Variants in ACBD6 observed in about 807,000 individuals in gnomAD.
The protein encoded by ACBD6 is acyl-CoA-binding domain-containing protein 6.
A neutral mutation model predicts 37.2 loss-of-function variants in ACBD6; 28 were observed. The observed-to-expected ratio is 0.75, with a 90% confidence interval of 0.56 to 1.03. ACBD6 has a LOEUF of 1.03. ACBD6 is among the 50% of genes least tolerant of loss of function. The probability of loss-of-function intolerance (pLI) is 0.00; values close to 1 mark genes in which losing one functional copy is unlikely to be tolerated. For synonymous variants in ACBD6, 113 were observed against 126.8 expected (o/e 0.89, Z 0.73); for missense variants, 340 against 337.4 (o/e 1.01, Z -0.06).
chr1:180,409,438 T>C (rs72714866), intron 5 of ACBD6, among the ~76,000 whole-genome samples: 24,087 of 152,190 alleles, frequency 0.16, 1,969 homozygotes, highest in Middle Eastern at 0.22. Flanking sequence ...TTTTTGTAAA[T>C]TGAAGATTTG....
At chr1:180,367,452 T>C (rs1237101397) in intron 6 of ACBD6, among the ~76,000 whole-genome samples, 1 of 152,176 alleles carries the variant, frequency 6.6e-6, no homozygotes. Flanking sequence ...ACTCGTGTCA[T>C]AGGGGTTTGT....
intron 3 of ACBD6, among the ~76,000 whole-genome samples, chr1:180,482,655 C>A (rs920315659): frequency 2.6e-5 from 4 of 151,822 alleles, no homozygotes; most frequent in Non-Finnish European, 4.4e-5. Flanking sequence ...TTACTAGATG[C>A]GAGTAGAAAC....
chr1:180,439,204 C>G (rs1295469950), intron 3 of ACBD6, among the ~76,000 whole-genome samples: 5 of 152,146 alleles, frequency 3.3e-5, no homozygotes, highest in Non-Finnish European at 5.9e-5. Flanking sequence ...GCTCCTTCCC[C>G]TGGCCCAAAA....
At chr1:180,280,793 A>C (rs1160894898) in intron 9 of ACBD6, among the ~76,000 whole-genome samples, 1 of 152,194 alleles carries the variant, frequency 6.6e-6, no homozygotes, top group Non-Finnish European at 1.5e-5. Flanking sequence ...TCACTAGCCC[A>C]GTCTCTTGGG....
intron 7 of ACBD6, among the ~76,000 whole-genome samples, chr1:180,293,703 T>G (rs1336593188): frequency 1.3e-5 from 2 of 152,232 alleles, no homozygotes; most frequent in Non-Finnish European, 2.9e-5. Flanking sequence ...CAATCTCTTT[T>G]ATAAATATAG....
chr1:180,453,154 GC>G (rs1649780182), intron 3 of ACBD6, among the ~76,000 whole-genome samples: 1 of 152,296 alleles, frequency 6.6e-6, no homozygotes, highest in African/African-American at 2.4e-5. Context: ...GAACATCGAT[GC>G]AAAAATCTTC....
rs114089715 is a variant in ACBD6 at position 180,485,941 on chromosome 1, A to G, written c.384+6328T>C. ...GAGCCATCTTGAAGGTACTCCCAGTAGCAAAAAAAAAAAAAATGATTTTAA... is the reference window on the plus strand; with the variant it reads ...GAGCCATCTTGAAGGTACTCCCAGTGGCAAAAAAAAAAAAAATGATTTTAA... On this transcript the variant is annotated intron_variant, in intron 3 of 7. Coordinates refer to ENST00000367595, the MANE Select transcript of ACBD6 (RefSeq NM_032360.4). 3.1e-3 allele frequency among the ~76,000 whole-genome samples: 467 copies of G among 151,646 alleles called. 1 individual carries two copies. The highest frequency in any genetic ancestry group is 0.011 in the African/African-American group (444 of 41,350).
chr1:180,273,969 A>C, exon 11 of ACBD6: 2 of 582,832 alleles, frequency 3.4e-6, no homozygotes, highest in Non-Finnish European at 6.1e-6. Context: ...GGACCTGGGA[A>C]TTTAGTCTTT....
chr1:180,296,768 GA>G (rs1649935064), intron 7 of ACBD6, among the ~76,000 whole-genome samples: 1 of 151,840 alleles, frequency 6.6e-6, no homozygotes. Flanking sequence ...CCTCATACTG[GA>G]AAAAGATGCC....
At chr1:180,382,042 G>A (rs548994479) in intron 6 of ACBD6, among the ~76,000 whole-genome samples, 1 of 150,828 alleles carries the variant, frequency 6.6e-6, no homozygotes, top group Admixed American at 6.6e-5. Flanking sequence ...TTGAACCCAA[G>A]AGGCAGAGGT....
At chr1:180,384,040 A>G (rs1460202454) in intron 6 of ACBD6, among the ~76,000 whole-genome samples, 1 of 152,158 alleles carries the variant, frequency 6.6e-6, no homozygotes, top group Non-Finnish European at 1.5e-5. Flanking sequence ...CAAATACCTA[A>G]ATACAAGGCC....
chr1:180,471,016 C>A (rs931527709), intron 3 of ACBD6, among the ~76,000 whole-genome samples: 2 of 152,162 alleles, frequency 1.3e-5, no homozygotes, highest in Non-Finnish European at 2.9e-5. Flanking sequence ...GTGAATATAA[C>A]ATAAATAGAA....
chr1:180,352,662 A>T (rs1013309903), intron 6 of ACBD6, among the ~76,000 whole-genome samples: 1 of 152,228 alleles, frequency 6.6e-6, no homozygotes, highest in East Asian at 1.9e-4. Context: ...AACAAACATG[A>T]GCAAAGGCAC....
chr1:180,437,323 G>A (rs1649083271), intron 3 of ACBD6, among the ~76,000 whole-genome samples: 1 of 152,150 alleles, frequency 6.6e-6, no homozygotes, highest in South Asian at 2.1e-4. Flanking sequence ...AGGGGTGGGA[G>A]GCAGTCCTGG....
At chr1:180,274,118 T>C (rs996423475) in intron 10 of ACBD6, 11 of 1,590,740 alleles carry the variant, frequency 6.9e-6, no homozygotes, top group African/African-American at 5.4e-5. Flanking sequence ...TGTTCCTAGG[T>C]TGTGAAGAGC....
intron 6 of ACBD6, among the ~76,000 whole-genome samples, chr1:180,338,551 G>A (rs1047161971): frequency 7.2e-5 from 11 of 152,144 alleles, no homozygotes; most frequent in African/African-American, 2.4e-4. Context: ...AGACTTAAAT[G>A]TTAGACCTAA....
At chr1:180,469,453 C>T (rs1387879772) in intron 3 of ACBD6, among the ~76,000 whole-genome samples, 2 of 152,110 alleles carry the variant, frequency 1.3e-5, no homozygotes, top group African/African-American at 2.4e-5. Context: ...AGCCTGAAAA[C>T]AATATAGTAA....
chr1:180,282,494 T>A (rs1649342781), intron 8 of ACBD6, among the ~76,000 whole-genome samples: 2 of 152,186 alleles, frequency 1.3e-5, no homozygotes, highest in South Asian at 2.1e-4. Flanking sequence ...ACTTTGGGGT[T>A]AAATCTCATA....
intron 3 of ACBD6, among the ~76,000 whole-genome samples, chr1:180,468,355 G>A (rs572912707): frequency 6.6e-6 from 1 of 152,230 alleles, no homozygotes; most frequent in East Asian, 1.9e-4. Flanking sequence ...GGCTGGATAG[G>A]AGGTCCTGCT....
Sources: gnomAD v4.1 joint callset for allele counts (sites outside exome capture counted in the v4.1 genomes callset) on GRCh38, gnomAD v4.1.1 for gene constraint, MANE v1.5 for transcripts, NCBI Gene and HGNC (gene_info 2026-07-23, HGNC 2026-07-21) for gene names.